Variants in EPM2A observed in about 807,000 individuals in gnomAD.
The protein encoded by EPM2A is laforin.
EPM2A carries 21 observed loss-of-function variants against 26.5 expected under a neutral mutation model. The ratio of observed to expected loss-of-function variants is 0.79; its 90% CI spans 0.56 to 1.14. The LOEUF is 1.14. Among genes scored for constraint, EPM2A ranks in the 50% most tolerant of loss-of-function variants. EPM2A has a pLI of 0.00. For synonymous variants in EPM2A, 217 were observed against 177.6 expected, an observed-to-expected ratio of 1.22 and a Z score of -1.76; for missense variants, 458 against 440.8, an observed-to-expected ratio of 1.04 and a Z score of -0.35.
At chr6:145,618,452 T>C (rs1425972850) in intron 2 of EPM2A, among the ~76,000 whole-genome samples, 1 of 152,174 alleles carries the variant, frequency 6.6e-6, no homozygotes, top group East Asian at 1.9e-4. Flanking sequence ...TCATCTTGAA[T>C]TGTAGTTCCC....
At chr6:145,562,936 GA>G (rs1273346772) in intron 2 of EPM2A, among the ~76,000 whole-genome samples, 1 of 151,308 alleles carries the variant, frequency 6.6e-6, no homozygotes, top group Non-Finnish European at 1.5e-5. Context: ...TTGCACCATA[GA>G]AGGTGAGATC....
intron 2 of EPM2A, among the ~76,000 whole-genome samples, chr6:145,588,855 G>C (rs1250588177): frequency 6.6e-6 from 1 of 152,194 alleles, no homozygotes; most frequent in Non-Finnish European, 1.5e-5. Context: ...TAGGAATGGA[G>C]AGAACACATG....
Position 145,578,719 on chromosome 6 carries a change from T to G in EPM2A, c.340+56526A>C, listed in dbSNP as rs117364009. Among the ~76,000 whole-genome samples the G allele has an allele frequency of 4.6e-3, 708 of 152,298 alleles. 26 individuals are homozygous for G. The East Asian group carries it at 0.084, about 18-fold the overall frequency. On this transcript the variant is annotated intron_variant, in intron 2 of 3. Transcript: ENST00000450221. ...ATACTTTATCAAGGTATAATTGACA[T>G]AATAAACTGTATATATTGAAAGTAT...
At chr6:145,699,928 G>A (rs1442943700) in intron 1 of EPM2A, among the ~76,000 whole-genome samples, 2 of 152,050 alleles carry the variant, frequency 1.3e-5, no homozygotes, top group Non-Finnish European at 2.9e-5. Context: ...AGACAATTAT[G>A]CTTTCATTTA....
At chr6:145,675,392 A>T (rs181763140) in intron 2 of EPM2A, among the ~76,000 whole-genome samples, 89 of 152,314 alleles carry the variant, frequency 5.8e-4, no homozygotes, top group Non-Finnish European at 1.2e-3. Flanking sequence ...GGGCAAAATA[A>T]CCAGCTAACA....
At chr6:145,484,567 C>T (rs1233304580) in intron 4 of EPM2A, among the ~76,000 whole-genome samples, 1 of 152,096 alleles carries the variant, frequency 6.6e-6, no homozygotes, top group Non-Finnish European at 1.5e-5. Flanking sequence ...AATCCCAGCT[C>T]TGCCATCTAC....
chr6:145,633,429 T>C (rs1008851126), intron 3 of EPM2A, among the ~76,000 whole-genome samples: 2 of 152,212 alleles, frequency 1.3e-5, no homozygotes, highest in African/African-American at 4.8e-5. Flanking sequence ...TTTTCTTCCT[T>C]GAAGAAGGGC....
chr6:145,710,118 G>A (rs1444122714), intron 1 of EPM2A, among the ~76,000 whole-genome samples: 1 of 151,922 alleles, frequency 6.6e-6, no homozygotes, highest in Non-Finnish European at 1.5e-5. Flanking sequence ...TTGACAAATG[G>A]GATCTAATTA....
At chr6:145,517,990 T>C (rs956673396) in intron 2 of EPM2A, among the ~76,000 whole-genome samples, 1 of 152,308 alleles carries the variant, frequency 6.6e-6, no homozygotes, top group Middle Eastern at 3.4e-3. Flanking sequence ...GCCACGCCAA[T>C]TGATAACCAC....
chr6:145,532,807 G>C (rs2075576658), intron 2 of EPM2A, among the ~76,000 whole-genome samples: 1 of 151,994 alleles, frequency 6.6e-6, no homozygotes, highest in Admixed American at 6.6e-5. Flanking sequence ...GAAATATTTT[G>C]CCCTACCTTG....
chr6:145,584,473 T>A (rs1045459535), intron 2 of EPM2A, among the ~76,000 whole-genome samples: 3 of 152,036 alleles, frequency 2.0e-5, no homozygotes, highest in Admixed American at 2.0e-4. Context: ...CATAGGGGAG[T>A]TTGGCCAGCC....
intron 4 of EPM2A, among the ~76,000 whole-genome samples, chr6:145,475,740 T>C (rs1472042115): frequency 2.0e-5 from 3 of 151,960 alleles, no homozygotes. Context: ...AATAATAAGT[T>C]ATAAGAGAGT....
At chr6:145,440,998 G>A (rs2114700410) in intron 4 of EPM2A, among the ~76,000 whole-genome samples, 1 of 152,340 alleles carries the variant, frequency 6.6e-6, no homozygotes, top group South Asian at 2.1e-4. Context: ...TAGGGACTCT[G>A]TATGGTGACT....
intron 2 of EPM2A, among the ~76,000 whole-genome samples, chr6:145,673,167 T>A (rs546856790): frequency 6.6e-6 from 1 of 151,526 alleles, no homozygotes; most frequent in Admixed American, 6.6e-5. Context: ...TCCCTAGAAA[T>A]AATCTAACCA....
chr6:145,495,845 G>T (rs1030156506), intron 4 of EPM2A, among the ~76,000 whole-genome samples: 5 of 152,328 alleles, frequency 3.3e-5, no homozygotes, highest in African/African-American at 4.8e-5. Context: ...AAAGTGTTGG[G>T]ATTACAGGCG....
intron 1 of EPM2A, chr6:145,705,533 C>A (rs1011735984): frequency 8.8e-6 from 4 of 455,998 alleles, no homozygotes; most frequent in African/African-American, 2.0e-5. Context: ...CCAGCCTGGG[C>A]GACAGACTGA....
intron 2 of EPM2A, among the ~76,000 whole-genome samples, chr6:145,680,853 C>CA (rs781010181): frequency 6.6e-6 from 1 of 151,930 alleles, no homozygotes; most frequent in Non-Finnish European, 1.5e-5. Flanking sequence ...TATAAACATA[C>CA]GTGTGCATGT....
At chr6:145,695,163 G>A (rs1018629856) in intron 1 of EPM2A, among the ~76,000 whole-genome samples, 3 of 151,984 alleles carry the variant, frequency 2.0e-5, no homozygotes, top group South Asian at 2.1e-4. Context: ...ATCATAAAAT[G>A]TGGTAGGGAG....
At chr6:145,612,718 T>C (rs1775417645) in intron 2 of EPM2A, among the ~76,000 whole-genome samples, 1 of 146,950 alleles carries the variant, frequency 6.8e-6, no homozygotes, top group Non-Finnish European at 1.5e-5. Context: ...ATTATTTATA[T>C]ATATTATATA....
Sources: gnomAD v4.1 joint callset for allele counts (sites outside exome capture counted in the v4.1 genomes callset) on GRCh38, gnomAD v4.1.1 for gene constraint, MANE v1.5 for transcripts, NCBI Gene and HGNC (gene_info 2026-07-23, HGNC 2026-07-21) for gene names.